BOC: variants seen among roughly 807,000 people sequenced by gnomAD.
BOC encodes BOC cell adhesion associated, oncogene regulated.
BOC carries 76 observed loss-of-function variants against 112.0 expected under a neutral mutation model. That is an observed-to-expected ratio of 0.68 (90% confidence interval 0.56 to 0.82). BOC has a LOEUF of 0.82. BOC is among the 40% of genes least tolerant of loss of function. The pLI, the probability that BOC is intolerant of heterozygous loss-of-function variation, is 0.00. For missense variants in BOC, 1,309 were observed against 1,511.7 expected (o/e 0.87, Z 2.22); for synonymous variants, 580 against 599.8 (o/e 0.97, Z 0.48).
rs112683825 is a variant in BOC, at chr3:113,270,642, G to A, written c.524-159G>A. The A allele has an allele frequency of 7.7e-5, 59 of 770,164 alleles. 1 individual carries two copies. The highest frequency in any genetic ancestry group is 4.0e-4 in the South Asian group (21 of 52,224). 47.7% of individuals were successfully genotyped at this position (770,164 alleles called of 1,614,324 possible). On this transcript the variant is annotated intron_variant, in intron 5 of 19. Coordinates refer to ENST00000682979, the MANE Select transcript of BOC (RefSeq NM_001378074.1). The stretch of plus-strand genomic sequence containing the variant: ...TGTTGCAAGGTTTTATGGGGAGAAC[G>A]GCATCTTAGGCTTTGTCTTGTGGGG...
chr3:113,253,654 T>C lies in BOC; in HGVS notation c.376+2821T>C, dbSNP rs138951047. Among the ~76,000 whole-genome samples the C allele has an allele frequency of 1.2e-4, 18 of 152,222 alleles. No homozygotes were observed. The East Asian group carries it at 3.3e-3, about 28-fold the overall frequency. On this transcript the variant is annotated intron_variant, in intron 4 of 19. Coordinates refer to ENST00000682979, the MANE Select transcript of BOC (RefSeq NM_001378074.1). ...AACATTTTTCATGTACATCCACCCATGTAACCATCCCCAATGTCCCCTCAT... is the reference window on the plus strand; with the variant it reads ...AACATTTTTCATGTACATCCACCCACGTAACCATCCCCAATGTCCCCTCAT...
At position 113,270,604 on chromosome 3, in the gene BOC, ACT is replaced by A. The variant is rs569697189; in HGVS notation, c.524-194_524-193del. Reference sequence around the variant, plus strand: ...TGGTTAGTTACCTTTTCTCTCTGGCACTCTGTCCTGCTTGTTGCAAGGTTTTA... The same window carrying A: ...TGGTTAGTTACCTTTTCTCTCTGGCACTGTCCTGCTTGTTGCAAGGTTTTA... On this transcript the variant is annotated intron_variant, in intron 5 of 19. Transcript: ENST00000682979. The A allele has an allele frequency of 4.5e-4, 263 of 584,720 alleles. No homozygotes were observed. In the African/African-American group the frequency reaches 4.6e-3, roughly 10 times the overall value. 36.2% of individuals were successfully genotyped at this position (584,720 alleles called of 1,614,324 possible). A position where few individuals can be genotyped will look rare whatever the true frequency, so the allele number is the denominator to read the frequency against.
At chr3:113,233,383 T>C (rs1394642832) in intron 2 of BOC, among the ~76,000 whole-genome samples, 2 of 152,140 alleles carry the variant, frequency 1.3e-5, no homozygotes, top group Non-Finnish European at 2.9e-5. Context: ...GGAAGGGGCA[T>C]AGAGAATGAC....
At chr3:113,280,439 A>G in intron 13 of BOC, 119 bp from the exon 14 acceptor site, 2 of 711,148 alleles carry the variant, frequency 2.8e-6, no homozygotes, top group East Asian at 2.6e-5. Flanking sequence ...AATCTTTGCC[A>G]GGGGTCCCAA....
intron 11 of BOC, 93 bp from the exon 12 acceptor site, chr3:113,279,156 A>C (rs1258944860): frequency 3.0e-6 from 4 of 1,326,370 alleles, no homozygotes; most frequent in Non-Finnish European, 4.2e-6. Context: ...GGAGCAGGCC[A>C]GGCCCAGTGG....
chr3:113,243,497 T>G (rs1175591239), intron 2 of BOC, among the ~76,000 whole-genome samples: 3 of 152,256 alleles, frequency 2.0e-5, no homozygotes, highest in Admixed American at 2.0e-4. Flanking sequence ...ACCTACTCTT[T>G]TTAACATTTT....
chr3:113,283,535 C>T lies in BOC; in HGVS notation c.2559C>T (p.Asp853=). 1 of 1,613,956 alleles carries T rather than the reference C, an allele frequency of 6.2e-7. No individual in the cohort carries two copies. The highest frequency in any genetic ancestry group is 8.5e-7 in the Non-Finnish European group (1 of 1,179,992). The part of the protein sequence containing the change: ...GTGAMVARSS[D]LPYLIVGVVL... ...GGGCCATGGTGGCTCGCTCCAGCGA[C>T]CTGCCCTATCTGATTGTCGGGGTCG... Residue 853 remains aspartate, a synonymous_variant, in exon 16 of 20, where the codon GAC becomes GAT. Transcript: ENST00000682979.
chr3:113,216,519 A>G lies in BOC; in HGVS notation c.-82+245A>G. On this transcript the variant is annotated intron_variant, in intron 2 of 19. Transcript: ENST00000682979. ...GCAAGCTCTGTCAGACATGTTAGATACAAACCGTTTACTATGGGATTTGGA... is the reference window on the plus strand; with the variant it reads ...GCAAGCTCTGTCAGACATGTTAGATGCAAACCGTTTACTATGGGATTTGGA... 1.1e-5 allele frequency: 3 copies of G among 278,146 alleles called. No homozygotes were observed. The East Asian group carries it at 2.4e-4, about 23-fold the overall frequency. The allele number at this position is 278,146 out of a possible 1,614,324, so 17.2% of individuals were successfully genotyped here. A position where few individuals can be genotyped will look rare whatever the true frequency, so the allele number is the denominator to read the frequency against.
intron 1 of BOC, among the ~76,000 whole-genome samples, chr3:113,214,970 C>T (rs1939062400): frequency 1.3e-5 from 2 of 152,204 alleles, no homozygotes; most frequent in East Asian, 1.9e-4. Flanking sequence ...TTGTGTTGCT[C>T]ATCATGTGCA....
chr3:113,212,259 G>A (rs965325260), intron 1 of BOC: 30 of 151,956 alleles, frequency 2.0e-4, no homozygotes, highest in African/African-American at 7.0e-4. Flanking sequence ...GCGGGCAGCG[G>A]GGGTCCCGGG....
intron 4 of BOC, among the ~76,000 whole-genome samples, chr3:113,267,308 G>T (rs1377590889): frequency 6.6e-6 from 1 of 152,146 alleles, no homozygotes; most frequent in Non-Finnish European, 1.5e-5. Context: ...TGAGTGATTT[G>T]TCTCATACAA....
chr3:113,249,590 C>A, intron 2 of BOC, 132 bp from the exon 3 acceptor site: 1 of 482,724 alleles, frequency 2.1e-6, no homozygotes, highest in Non-Finnish European at 3.6e-6. Flanking sequence ...GGTCTTCCAG[C>A]AGCATGACCG....
chr3:113,285,003 CAT>C, intron 18 of BOC, 145 bp downstream of exon 18: 1 of 726,586 alleles, frequency 1.4e-6, no homozygotes. Context: ...TCCTCTGAAC[CAT>C]TGCCCTAATA....
intron 2 of BOC, among the ~76,000 whole-genome samples, chr3:113,226,886 G>A (rs906295863): frequency 6.6e-6 from 1 of 152,154 alleles, no homozygotes; most frequent in Non-Finnish European, 1.5e-5. Context: ...ATTGCCATAG[G>A]GGCCTGAAGA....
chr3:113,224,506 C>T, intron 2 of BOC, among the ~76,000 whole-genome samples: 1 of 150,124 alleles, frequency 6.7e-6, no homozygotes, highest in East Asian at 2.0e-4. Context: ...GAATCTCTTC[C>T]AAGCCCACTC....
In BOC at chr3:113,279,307, G is replaced by T. The variant is rs1948965934; in HGVS notation, c.1875G>T (p.Val625=). 4 of 1,614,044 alleles carry T rather than the reference G, an allele frequency of 2.5e-6. No individual in the cohort carries two copies. In the Admixed American group the frequency reaches 6.7e-5, roughly 27 times the overall value. The change falls in exon 12 of 20, where the codon GTG becomes GTT. Residue 625 remains valine, a synonymous_variant. Coordinates refer to ENST00000682979, the MANE Select transcript of BOC (RefSeq NM_001378074.1). ...CGGCCTCCGAGACCTCAGTGTACGT[G>T]ACCTGGATTCCCCGTGGGAATGGTG... ...ISTASETSVY[V]TWIPRGNGGF... is the part of the protein sequence containing the mutation.
In BOC at chr3:113,267,965, A is replaced by AC. The variant is rs11330456; in HGVS notation, c.377-325dup. ...GCTCTGCTAGGACATTTGTACTTTG[A>AC]CCCCCCCCCATTTCTGGGGTGTAAG... is the stretch of plus-strand genomic sequence containing the variant. On this transcript the variant is annotated intron_variant, in intron 4 of 19. Coordinates refer to ENST00000682979, the MANE Select transcript of BOC (RefSeq NM_001378074.1). 5.1e-3 allele frequency among the ~76,000 whole-genome samples: 768 copies of AC among 150,896 alleles called. 4 individuals carry two copies. Among genetic ancestry groups the AC allele is most frequent in the Non-Finnish European group, 6.4e-3 (431 of 67,522 alleles).
intron 4 of BOC, among the ~76,000 whole-genome samples, chr3:113,265,698 C>G (rs1947404471): frequency 6.6e-6 from 1 of 152,204 alleles, no homozygotes; most frequent in Non-Finnish European, 1.5e-5. Flanking sequence ...GCTATCTTGG[C>G]TGAGAGGCTC....
At chr3:113,257,482 C>CTT (rs1400346289) in intron 4 of BOC, among the ~76,000 whole-genome samples, 2 of 152,144 alleles carry the variant, frequency 1.3e-5, no homozygotes, top group Non-Finnish European at 2.9e-5. Flanking sequence ...TTTGGGCTAT[C>CTT]TTATTAAGAC....
Sources: allele counts gnomAD v4.1 joint callset (sites outside exome capture counted in the v4.1 genomes callset), GRCh38; gene constraint gnomAD v4.1.1; transcripts MANE v1.5; gene names NCBI Gene and HGNC (gene_info 2026-07-23, HGNC 2026-07-21).